Variants in CABLES2 observed in about 807,000 individuals in gnomAD.
CABLES2 encodes the protein Cdk5 and Abl enzyme substrate 2, also known as CDK5 and ABL1 enzyme substrate 2.
CABLES2 carries 35 observed loss-of-function variants against 44.8 expected under a neutral mutation model. That is an observed-to-expected ratio of 0.78 (90% CI 0.60 to 1.04). The LOEUF is 1.04. Ranked by LOEUF, CABLES2 falls within the 50% of genes least tolerant of loss-of-function variation. The pLI is 0.00. For missense variants in CABLES2, 566 were observed against 615.7 expected (o/e 0.92, Z 0.85); for synonymous variants, 282 against 281.1 (o/e 1.00, Z -0.03).
Position 62,393,295 on chromosome 20 carries a change from C to T in CABLES2, c.880+145G>A, listed in dbSNP as rs966441822. The T allele has an allele frequency of 4.1e-5, 40 of 969,316 alleles. No homozygotes were observed. The Middle Eastern group carries it at 2.0e-3, about 48-fold the overall frequency. The allele number at this position is 969,316 out of a possible 1,614,324, so 60.0% of individuals were successfully genotyped here. On this transcript the variant is annotated intron_variant, in intron 6 of 9. Coordinates refer to ENST00000279101, the MANE Select transcript of CABLES2 (RefSeq NM_031215.3). ...GATAGCGATTCAGTGTGGAGCTGTT[C>T]CTCTCCTGACCCTGTTCCCCAGGCT...
rs1281734039 is a variant in CABLES2, at chr20:62,393,646, G to C, written c.715-41C>G. The C allele has an allele frequency of 1.4e-5, 21 of 1,524,170 alleles. No homozygotes were observed. In the Admixed American group the frequency reaches 4.3e-4, roughly 31 times the overall value. 94.4% of individuals were successfully genotyped at this position (1,524,170 alleles called of 1,614,324 possible). ...CATCTGGCCTCAGCTCTGCCTCCCG[G>C]GACCAGAGGGCAAAGTGAGCTCCCG... On this transcript the variant is annotated intron_variant, in intron 5 of 9. Coordinates refer to ENST00000279101, the MANE Select transcript of CABLES2 (RefSeq NM_031215.3).
At chr20:62,398,071 C>T (rs61680794) in intron 1 of CABLES2, among the ~76,000 whole-genome samples, 829 of 68,176 alleles carry the variant, frequency 0.012, 43 homozygotes, top group Non-Finnish European at 0.017. Flanking sequence ...GTGGTGGTGA[C>T]GGTGGTGGTG....
At position 62,389,899 on chromosome 20, in the gene CABLES2, T is replaced by C. The variant is rs953495371; in HGVS notation, c.*1072A>G. 1 of 152,176 alleles carries C rather than the reference T, an allele frequency of 6.6e-6. No individual in the cohort carries two copies. Among genetic ancestry groups the C allele is most frequent in the African/African-American group, 2.4e-5 (1 of 41,432 alleles). 9.4% of individuals were successfully genotyped at this position (152,176 alleles called of 1,614,324 possible). Reference sequence around the variant, plus strand: ...GCATGGTGGGCTGCCCTGGCCGAGGTGGCCAAGATGGCACCTGTTTCCTGC... The same window carrying C: ...GCATGGTGGGCTGCCCTGGCCGAGGCGGCCAAGATGGCACCTGTTTCCTGC... On this transcript the variant is annotated 3_prime_UTR_variant, in exon 10 of 10. Coordinates refer to ENST00000279101, the MANE Select transcript of CABLES2 (RefSeq NM_031215.3).
chr20:62,391,169 C>T lies in CABLES2; in HGVS notation c.1297-58G>A, dbSNP rs1413674788. 2 of 1,604,954 alleles carry T rather than the reference C, an allele frequency of 1.2e-6. No homozygotes were observed. Among genetic ancestry groups the T allele is most frequent in the East Asian group, 2.2e-5 (1 of 44,666 alleles). On this transcript the variant is annotated intron_variant, in intron 9 of 9. Transcript: ENST00000279101. This position sits in a 1 kb window ranked among gnomAD's most constrained non-coding sequence, Gnocchi z 5.7. ...AGCCTTCCCTCTTCCACATTTCCCA[C>T]CCGGCCAGCCCCATCCCAGCAGTGG...
At position 62,398,136 on chromosome 20, in the gene CABLES2, G is replaced by GTGGTGA. The variant is rs1569017710; in HGVS notation, c.363-1545_363-1544insTCACCA. On this transcript the variant is annotated intron_variant, in intron 1 of 9. Coordinates refer to ENST00000279101, the MANE Select transcript of CABLES2 (RefSeq NM_031215.3). Reference sequence around the variant, plus strand: ...GGTGGTGGTGGTGGTTATGACGGTGGTGATGGTGGTGGTGGTGGTGACGGT... The same window carrying GTGGTGA: ...GGTGGTGGTGGTGGTTATGACGGTGGTGGTGATGATGGTGGTGGTGGTGGTGACGGT... Among the ~76,000 whole-genome samples the GTGGTGA allele has an allele frequency of 2.0e-4, 26 of 128,786 alleles. 1 individual carries two copies. Among genetic ancestry groups the GTGGTGA allele is most frequent in the African/African-American group, 6.6e-4 (22 of 33,432 alleles). The allele number at this position is 128,786 out of a possible 152,430, so 84.5% of individuals were successfully genotyped here.
rs1988016006 is a variant in CABLES2, at chr20:62,396,243, G to A, written c.527+72C>T. ...TTGGGAGTGGAGGGAAGATTGCTTGGCTGACAGGGGCAGGACCCCGTGGGC... is the reference window on the plus strand; with the variant it reads ...TTGGGAGTGGAGGGAAGATTGCTTGACTGACAGGGGCAGGACCCCGTGGGC... On this transcript the variant is annotated intron_variant, in intron 3 of 9. Transcript: ENST00000279101. The surrounding 1 kb of genome is among the most constrained non-coding windows in gnomAD (Gnocchi z 5.7). 2 of 1,303,432 alleles carry A rather than the reference G, an allele frequency of 1.5e-6. No homozygotes were observed. The highest frequency in any genetic ancestry group is 4.6e-5 in the East Asian group (2 of 43,446). The allele number at this position is 1,303,432 out of a possible 1,614,324, so 80.7% of individuals were successfully genotyped here.
chr20:62,396,316 T>A lies in CABLES2; in HGVS notation c.526A>T (p.Arg176Trp). The change falls in exon 3 of 10, where the codon AGG becomes TGG. Residue 176 changes from arginine (R) to tryptophan (W), a missense_variant and splice_region_variant. Arg to Trp is a moderately radical substitution (Grantham distance 101). Around this residue, in one of 2 missense-constraint regions of CABLES2, gnomAD observed 436 missense variants for 536.3 expected, o/e 0.81. Coordinates refer to ENST00000279101, the MANE Select transcript of CABLES2 (RefSeq NM_031215.3). The surrounding 1 kb of genome is among the most constrained non-coding windows in gnomAD (Gnocchi z 5.7). ...CCGGTTCCCGGCTCCGCTTCATACC[T>A]GCTGTTCCTGGTGTCGTACTGCCTC... ...NMRQYDTRNS[R>W]IVLICAKRSL... is the part of the protein sequence containing the mutation. 1 of 1,613,430 alleles carries A rather than the reference T, an allele frequency of 6.2e-7. No homozygotes were observed. Among genetic ancestry groups the A allele is most frequent in the Non-Finnish European group, 8.5e-7 (1 of 1,179,558 alleles).
rs1555890790 is a variant in CABLES2 at position 62,398,121 on chromosome 20, G to GTGGTGATGGCGGTGGTGGTGA, written c.363-1530_363-1529insTCACCACCACCGCCATCACCA. 1.8e-3 allele frequency among the ~76,000 whole-genome samples: 145 copies of GTGGTGATGGCGGTGGTGGTGA among 82,450 alleles called. 4 individuals are homozygous for GTGGTGATGGCGGTGGTGGTGA. Among genetic ancestry groups the GTGGTGATGGCGGTGGTGGTGA allele is most frequent in the African/African-American group, 5.0e-3 (79 of 15,958 alleles). 54.1% of individuals were successfully genotyped at this position (82,450 alleles called of 152,430 possible). A position where few individuals can be genotyped will look rare whatever the true frequency, so the allele number is the denominator to read the frequency against. On this transcript the variant is annotated intron_variant, in intron 1 of 9. Coordinates refer to ENST00000279101, the MANE Select transcript of CABLES2 (RefSeq NM_031215.3). ...GGTGGTGGTGATGGTGGTGGTGGTGGTGGTTATGACGGTGGTGATGGTGGT... is the reference window on the plus strand; with the variant it reads ...GGTGGTGGTGATGGTGGTGGTGGTGGTGGTGATGGCGGTGGTGGTGATGGTTATGACGGTGGTGATGGTGGT...
chr20:62,397,986 G>A (rs1399937942), intron 1 of CABLES2, among the ~76,000 whole-genome samples: 59 of 87,346 alleles, frequency 6.8e-4, no homozygotes, highest in African/African-American at 9.5e-4. Flanking sequence ...GGTGATGGCG[G>A]TGGTGGTGAT....
chr20:62,394,991 C>T lies in CABLES2; in HGVS notation c.551G>A (p.Arg184Gln), dbSNP rs373241073. The T allele has an allele frequency of 7.4e-5, 119 of 1,612,810 alleles. No homozygotes were observed. Among genetic ancestry groups the T allele is most frequent in the Non-Finnish European group, 9.2e-5 (108 of 1,179,950 alleles). ...GACCGAGAAGGCCGCGCACAGGGACCGCTTGGCACAGATGAGCACGATCCT... is the reference window on the plus strand; with the variant it reads ...GACCGAGAAGGCCGCGCACAGGGACTGCTTGGCACAGATGAGCACGATCCT... ...NSRIVLICAK[R>Q]SLCAAFSVLP... Residue 184 changes from arginine (R) to glutamine (Q), a missense_variant, in exon 4 of 10, where the codon CGG (arginine) becomes CAG (glutamine). By Grantham distance (43) the Arg-to-Gln change is conservative (BLOSUM62 1). Around this residue, in one of 2 missense-constraint regions of CABLES2, gnomAD observed 436 missense variants for 536.3 expected, o/e 0.81. Coordinates refer to ENST00000279101, the MANE Select transcript of CABLES2 (RefSeq NM_031215.3).
intron 1 of CABLES2, among the ~76,000 whole-genome samples, chr20:62,397,924 T>TGGC (rs779682323): frequency 0.015 from 1,536 of 101,340 alleles, 37 homozygotes; most frequent in South Asian, 0.03. Context: ...GCAGTGGTGA[T>TGGC]GGTGGTGGTG....
intron 1 of CABLES2, among the ~76,000 whole-genome samples, chr20:62,400,353 C>G (rs1189812365): frequency 6.6e-6 from 1 of 152,166 alleles, no homozygotes; most frequent in Non-Finnish European, 1.5e-5. Flanking sequence ...CAGCTGCATG[C>G]TGAGGGGGTG....
At chr20:62,394,444 GGAGGGGTTTTT>G (rs1157855955) in intron 4 of CABLES2, among the ~76,000 whole-genome samples, 179 bp from the exon 5 acceptor site, 1 of 152,212 alleles carries the variant, frequency 6.6e-6, no homozygotes, top group Non-Finnish European at 1.5e-5. Flanking sequence ...TTTCATGGAA[GGAGGGGTTTTT>G]GAGCCCCGCT....
chr20:62,394,271 A>AAC lies in CABLES2; in HGVS notation c.606-8_606-7dup, dbSNP rs770303331. The AAC allele has an allele frequency of 6.8e-6, 11 of 1,611,700 alleles. No homozygotes were observed. In the Admixed American group the frequency reaches 1.8e-4, roughly 27 times the overall value. On this transcript the variant is annotated splice_polypyrimidine_tract_variant and splice_region_variant and intron_variant, in intron 4 of 9. Coordinates refer to ENST00000279101, the MANE Select transcript of CABLES2 (RefSeq NM_031215.3). ...GGCTGTCCACCCTCAGGTCACTGCA[A>AAC]ACATGGGAGAGGCAAGGGGCTGTGG... is the stretch of plus-strand genomic sequence containing the variant.
intron 5 of CABLES2, 133 bp downstream of exon 5, chr20:62,394,024 C>G (rs1269198054): frequency 1.2e-5 from 9 of 747,414 alleles, no homozygotes; most frequent in Non-Finnish European, 2.1e-5. Flanking sequence ...GGCCCGCATC[C>G]ACTCCACCCT....
intron 6 of CABLES2, 96 bp from the exon 7 acceptor site, chr20:62,393,119 G>A (rs895496658): frequency 1.5e-5 from 16 of 1,078,842 alleles, no homozygotes; most frequent in African/African-American, 4.7e-5. Context: ...GGGCAAGGCC[G>A]AGCAGGGGAG....
intron 7 of CABLES2, 88 bp downstream of exon 7, chr20:62,392,832 G>T: frequency 8.4e-7 from 1 of 1,193,544 alleles, no homozygotes; most frequent in Non-Finnish European, 1.2e-6. Flanking sequence ...CGCCCCTGGG[G>T]CAGCTTTGCC....
In CABLES2 at chr20:62,389,161, C is replaced by G. The variant is rs1182122225; in HGVS notation, c.*1810G>C. The G allele has an allele frequency of 3.3e-5, 5 of 152,770 alleles. No homozygotes were observed. Among genetic ancestry groups the G allele is most frequent in the Admixed American group, 6.5e-5 (1 of 15,342 alleles). The allele number at this position is 152,770 out of a possible 1,614,324, so 9.5% of individuals were successfully genotyped here. On this transcript the variant is annotated 3_prime_UTR_variant, in exon 10 of 10. Coordinates refer to ENST00000279101, the MANE Select transcript of CABLES2 (RefSeq NM_031215.3). ...TACATGCTCGTAACATGGGCGAGCT[C>G]TTGAGATGGGATCTGGGTGGCAGGA...
At chr20:62,399,240 A>ATATTTCATTTTATTT (rs1988142761) in intron 1 of CABLES2, among the ~76,000 whole-genome samples, 1 of 148,902 alleles carries the variant, frequency 6.7e-6, no homozygotes, top group African/African-American at 2.5e-5. Context: ...GTGAGCCACC[A>ATATTTCATTTTATTT]TATTTTATTT....
Sources: allele counts gnomAD v4.1 joint callset (sites outside exome capture counted in the v4.1 genomes callset), GRCh38; gene constraint gnomAD v4.1.1; regional missense constraint gnomAD v4.1.1; non-coding constraint Gnocchi (gnomAD v3.1); transcripts MANE v1.5; gene names NCBI Gene and HGNC (gene_info 2026-07-23, HGNC 2026-07-21).